The following JRK variants were observed in gnomAD, a reference collection of about 807,000 sequenced individuals.
The protein encoded by JRK is Jrk helix-turn-helix protein.
For missense variants in JRK, 720 were observed against 509.2 expected (o/e 1.41, Z -3.98); for synonymous variants, 303 against 218.1 (o/e 1.39, Z -3.43).
rs902817470 is a variant in JRK at position 142,662,671 on chromosome 8, T to A, written c.*1681A>T. On this transcript the variant is annotated 3_prime_UTR_variant, in exon 2 of 2. Coordinates refer to ENST00000612905, the MANE Select transcript of JRK (RefSeq NM_003724.4). ...ATAGGGCTCTGTCAGCAATGACTTTTGCCCCTGTATCTACAGAGATGTGAA... is the reference window on the plus strand; with the variant it reads ...ATAGGGCTCTGTCAGCAATGACTTTAGCCCCTGTATCTACAGAGATGTGAA... The A allele has an allele frequency of 3.1e-5, 31 of 985,324 alleles. No individual in the cohort carries two copies. In the African/African-American group the frequency reaches 5.1e-4, roughly 16 times the overall value. The allele number at this position is 985,324 out of a possible 1,614,324, so 61.0% of individuals were successfully genotyped here.
Position 142,660,237 on chromosome 8 carries a change from G to A in JRK, c.*4115C>T, listed in dbSNP as rs797026417. ...GAGTCCTCGAACCCAGAGGGGGCTG[G>A]GTAAGCAGCAGAAGTGCAGAAGCCC... is the stretch of plus-strand genomic sequence containing the variant. On this transcript the variant is annotated 3_prime_UTR_variant, in exon 2 of 2. Coordinates refer to ENST00000612905, the MANE Select transcript of JRK (RefSeq NM_003724.4). The A allele has an allele frequency of 3.0e-6, 3 of 985,558 alleles. No homozygotes were observed. The highest frequency in any genetic ancestry group is 3.6e-6 in the Non-Finnish European group (3 of 830,062). 61.1% of individuals were successfully genotyped at this position (985,558 alleles called of 1,614,324 possible). A position where few individuals can be genotyped will look rare whatever the true frequency, so the allele number is the denominator to read the frequency against.
Position 142,665,300 on chromosome 8 carries a change from G to A in JRK, c.759C>T (p.Ala253=), listed in dbSNP as rs949948918. The A allele has an allele frequency of 9.8e-6, 7 of 717,816 alleles. No individual in the cohort carries two copies. The highest frequency in any genetic ancestry group is 1.8e-5 in the Non-Finnish European group (7 of 385,112). The allele number at this position is 717,816 out of a possible 1,614,324, so 44.5% of individuals were successfully genotyped here. ...AFKGIQHLPV[A]YKAQGNAWVD... is the part of the protein sequence containing the mutation. The stretch of plus-strand genomic sequence containing the variant: ...CCCAGGCGTTCCCCTGGGCCTTATA[G>A]GCGACGGGCAGGTGCTGGATGCCTT... The change falls in exon 2 of 2, where the codon GCC becomes GCT. Residue 253 remains alanine (A), a synonymous_variant. Transcript: ENST00000612905.
chr8:142,654,743 C>T (rs1846718112), downstream of JRK, among the ~76,000 whole-genome samples: 1 of 151,944 alleles, frequency 6.6e-6, no homozygotes, highest in African/African-American at 2.4e-5. Flanking sequence ...GCCCAAGCCC[C>T]CAGCCACTCC....
At chr8:142,653,787 C>A (rs1846705064), downstream of JRK, among the ~76,000 whole-genome samples, 1 of 152,152 alleles carries the variant, frequency 6.6e-6, no homozygotes, top group African/African-American at 2.4e-5. Context: ...TTTTCTACAC[C>A]CCTATGATTG....
rs902429545 is a variant in JRK at position 142,658,606 on chromosome 8, C to T, written c.*5746G>A. 4 of 386,586 alleles carry T rather than the reference C, an allele frequency of 1.0e-5. No individual in the cohort carries two copies. The highest frequency in any genetic ancestry group is 1.0e-4 in the East Asian group (2 of 19,464). 23.9% of individuals were successfully genotyped at this position (386,586 alleles called of 1,614,324 possible). ...TTTTCTTATAAGGACTCGATCTCAT[C>T]GGCGAGCCCCACCCTCACGATCTCA... is the stretch of plus-strand genomic sequence containing the variant. On this transcript the variant is annotated 3_prime_UTR_variant, in exon 2 of 2. Coordinates refer to ENST00000612905, the MANE Select transcript of JRK (RefSeq NM_003724.4).
downstream of JRK, among the ~76,000 whole-genome samples, chr8:142,655,073 C>G (rs1169072505): frequency 6.6e-6 from 1 of 152,092 alleles, no homozygotes; most frequent in East Asian, 1.9e-4. Context: ...GGGCTGCCCT[C>G]AGGTGACCAC....
At position 142,662,996 on chromosome 8, in the gene JRK, CAA is replaced by C. The variant is rs60719579; in HGVS notation, c.*1354_*1355del. 1.8e-6 allele frequency: 1 copy of C among 565,076 alleles called. No individual in the cohort carries two copies. The highest frequency in any genetic ancestry group is 1.6e-4 in the East Asian group (1 of 6,100). The allele number at this position is 565,076 out of a possible 1,614,324, so 35.0% of individuals were successfully genotyped here. ...GCAACACAGTGAGACCCTGTCTCTA[CAA>C]AAAAAATAAAAAGGCGCGGTGGTGC... On this transcript the variant is annotated 3_prime_UTR_variant, in exon 2 of 2. Coordinates refer to ENST00000612905, the MANE Select transcript of JRK (RefSeq NM_003724.4).
At chr8:142,656,119 CAGTGTAT>C (rs1171949196), downstream of JRK, among the ~76,000 whole-genome samples, 1 of 152,182 alleles carries the variant, frequency 6.6e-6, no homozygotes, top group Non-Finnish European at 1.5e-5. Flanking sequence ...CCTTTTTCCC[CAGTGTAT>C]AGGCCATACT....
the JRK span, among the ~76,000 whole-genome samples, chr8:142,646,903 T>C: frequency 6.6e-6 from 1 of 152,180 alleles, no homozygotes; most frequent in Non-Finnish European, 1.5e-5. Context: ...ATCTTAGACT[T>C]GCAAGCTCTT....
rs1190790118 is a variant in JRK, at chr8:142,657,800, A to G, written c.*6552T>C. ...GGGGATCAAATTTCCATATAAGATT[A>G]GAAAGGGACAAACATCCAAACTGTA... On this transcript the variant is annotated 3_prime_UTR_variant, in exon 2 of 2. Coordinates refer to ENST00000612905, the MANE Select transcript of JRK (RefSeq NM_003724.4). The G allele has an allele frequency of 1.3e-5, 2 of 152,290 alleles. No homozygotes were observed. The highest frequency in any genetic ancestry group is 4.8e-5 in the African/African-American group (2 of 41,488). The allele number at this position is 152,290 out of a possible 1,614,324, so 9.4% of individuals were successfully genotyped here. A position where few individuals can be genotyped will look rare whatever the true frequency, so the allele number is the denominator to read the frequency against.
chr8:142,665,817 A>G lies in JRK; in HGVS notation c.242T>C (p.Leu81Pro). Residue 81 changes from leucine to proline, a missense_variant, in exon 2 of 2, where the codon CTG becomes CCG. By Grantham distance (98) the Leu-to-Pro change is moderately conservative. Transcript: ENST00000612905. ...SNKALEQRRT[L>P]HTPKLEHLDR... is the part of the protein sequence containing the mutation. ...CAGGTGCTCCAGCTTGGGCGTGTGC[A>G]GCGTGCGCCGCTGCTCCAGCGCCTT... The G allele has an allele frequency of 1.3e-6, 1 of 779,078 alleles. No homozygotes were observed. The highest frequency in any genetic ancestry group is 1.7e-5 in the Admixed American group (1 of 58,856). 48.3% of individuals were successfully genotyped at this position (779,078 alleles called of 1,614,324 possible). A position where few individuals can be genotyped will look rare whatever the true frequency, so the allele number is the denominator to read the frequency against.
In JRK at chr8:142,662,196, C is replaced by G. The variant is rs1554634659; in HGVS notation, c.*2156G>C. 1.0e-6 allele frequency: 1 copy of G among 985,662 alleles called. No homozygotes were observed. The highest frequency in any genetic ancestry group is 1.2e-6 in the Non-Finnish European group (1 of 830,226). 61.1% of individuals were successfully genotyped at this position (985,662 alleles called of 1,614,324 possible). ...CAGCCCAGCACAGTCAGCACAAGAG[C>G]AGATCAAGAACGGGAAGAGCTCAGG... is the stretch of plus-strand genomic sequence containing the variant. On this transcript the variant is annotated 3_prime_UTR_variant, in exon 2 of 2. Coordinates refer to ENST00000612905, the MANE Select transcript of JRK (RefSeq NM_003724.4).
At position 142,666,379 on chromosome 8, in the gene JRK, G is replaced by A. The variant is rs1847129079; in HGVS notation, c.-321C>T. The A allele has an allele frequency of 8.6e-6, 4 of 464,858 alleles. No individual in the cohort carries two copies. The highest frequency in any genetic ancestry group is 1.7e-5 in the Non-Finnish European group (4 of 242,016). 28.8% of individuals were successfully genotyped at this position (464,858 alleles called of 1,614,324 possible). On this transcript the variant is annotated 5_prime_UTR_variant, in exon 2 of 2. Coordinates refer to ENST00000612905, the MANE Select transcript of JRK (RefSeq NM_003724.4). ...TCCCCTCTGCTGCTCCACACGGCTG[G>A]AACTCCGGCCTTCTCTGTGGATACT...
chr8:142,658,739 A>C lies in JRK; in HGVS notation c.*5613T>G. On this transcript the variant is annotated 3_prime_UTR_variant, in exon 2 of 2. Coordinates refer to ENST00000612905, the MANE Select transcript of JRK (RefSeq NM_003724.4). ...GGGGGACACAAACATGCAGTCCTTA[A>C]CACCATCGTCATGGAGATGGAGGCC... 6.7e-7 allele frequency: 1 copy of C among 1,489,052 alleles called. No individual in the cohort carries two copies. The highest frequency in any genetic ancestry group is 2.5e-5 in the East Asian group (1 of 39,670). The allele number at this position is 1,489,052 out of a possible 1,614,324, so 92.2% of individuals were successfully genotyped here.
In JRK at chr8:142,665,415, C is replaced by G; in HGVS notation, c.644G>C (p.Arg215Pro). The change falls in exon 2 of 2, where the codon CGG becomes CCG. Residue 215 changes from arginine to proline, a missense_variant. Transcript: ENST00000612905. ...GTTGGCACACATCAGCACGGTCAGC[C>G]GGTCCTTGCCCTGCTTGGGGCCAGG... ...AVPGPKQGKDRLTVLMCANAT... is the reference protein window; with the variant it reads ...AVPGPKQGKDPLTVLMCANAT... 1 of 717,732 alleles carries G rather than the reference C, an allele frequency of 1.4e-6. No homozygotes were observed. The highest frequency in any genetic ancestry group is 2.6e-6 in the Non-Finnish European group (1 of 385,086). 44.5% of individuals were successfully genotyped at this position (717,732 alleles called of 1,614,324 possible). A position where few individuals can be genotyped will look rare whatever the true frequency, so the allele number is the denominator to read the frequency against.
At chr8:142,668,528 A>G (rs1195196416) in intron 1 of JRK, among the ~76,000 whole-genome samples, 5 of 151,892 alleles carry the variant, frequency 3.3e-5, no homozygotes, top group African/African-American at 1.2e-4. Flanking sequence ...GATTTTTAAT[A>G]TGAACCCGCT....
At position 142,665,747 on chromosome 8, in the gene JRK, G is replaced by A. The variant is rs769477988; in HGVS notation, c.312C>T (p.Gly104=). 6 of 773,598 alleles carry A rather than the reference G, an allele frequency of 7.8e-6. No homozygotes were observed. The highest frequency in any genetic ancestry group is 1.7e-5 in the Admixed American group (1 of 58,430). 47.9% of individuals were successfully genotyped at this position (773,598 alleles called of 1,614,324 possible). The change falls in exon 2 of 2, where the codon GGC becomes GGT. Residue 104 remains glycine, a synonymous_variant. Coordinates refer to ENST00000612905, the MANE Select transcript of JRK (RefSeq NM_003724.4). ...YEWFLGKRSE[G]VPVSGPMLIE... is the part of the protein sequence containing the mutation. ...TGAGCATGGGGCCTGACACGGGGAC[G>A]CCCTCGGAGCGCTTCCCCAGGAACC...
Position 142,658,923 on chromosome 8 carries a change from C to A in JRK, c.*5429G>T. 1 of 1,613,470 alleles carries A rather than the reference C, an allele frequency of 6.2e-7. No homozygotes were observed. The highest frequency in any genetic ancestry group is 8.5e-7 in the Non-Finnish European group (1 of 1,179,690). On this transcript the variant is annotated 3_prime_UTR_variant, in exon 2 of 2. Transcript: ENST00000612905. Reference sequence around the variant, plus strand: ...AACTCCTCTGGTGAGGTCACTACCACATCCTCAAGGCCCACAGTCTCCTGA... The same window carrying A: ...AACTCCTCTGGTGAGGTCACTACCAAATCCTCAAGGCCCACAGTCTCCTGA...
rs1353004434 is a variant in JRK, at chr8:142,660,854, G to A, written c.*3498C>T. On this transcript the variant is annotated 3_prime_UTR_variant, in exon 2 of 2. Coordinates refer to ENST00000612905, the MANE Select transcript of JRK (RefSeq NM_003724.4). ...CTTCTGCAAACCCCTGCCTCAAACC[G>A]TGTCCCTCCACAAGCACATCCAGCC... The A allele has an allele frequency of 9.1e-6, 9 of 985,460 alleles. No homozygotes were observed. The highest frequency in any genetic ancestry group is 5.2e-4 in the Middle Eastern group (1 of 1,936). The allele number at this position is 985,460 out of a possible 1,614,324, so 61.0% of individuals were successfully genotyped here.
Sources: gnomAD v4.1 joint callset for allele counts (sites outside exome capture counted in the v4.1 genomes callset) on GRCh38, gnomAD v4.1.1 for gene constraint, MANE v1.5 for transcripts, NCBI Gene and HGNC (gene_info 2026-07-23, HGNC 2026-07-21) for gene names.